The following KCND3 variants were observed in gnomAD, a reference collection of about 807,000 sequenced individuals.
KCND3 encodes the protein potassium voltage-gated channel subfamily D member 3.
KCND3 carries 9 observed loss-of-function variants against 51.1 expected under a neutral mutation model. The observed-to-expected ratio is 0.18, with a 90% confidence interval of 0.11 to 0.31. KCND3 has a LOEUF of 0.31. KCND3 is among the 10% of genes least tolerant of loss of function. KCND3 has a pLI of 1.00. For missense variants in KCND3, 526 were observed against 903.8 expected, an observed-to-expected ratio of 0.58 and a Z score of 5.36; for synonymous variants, 349 against 368.0, an observed-to-expected ratio of 0.95 and a Z score of 0.59.
intron 2 of KCND3, among the ~76,000 whole-genome samples, chr1:111,866,579 A>AACACACACACACACACACACAC (rs771342858): frequency 8.7e-5 from 11 of 126,740 alleles, no homozygotes; most frequent in African/African-American, 2.2e-4. Flanking sequence ...TGTTTCTTTA[A>AACACACACACACACACACACAC]ACACACACAC....
At chr1:111,872,414 T>C (rs974734464) in intron 2 of KCND3, among the ~76,000 whole-genome samples, 1 of 152,242 alleles carries the variant, frequency 6.6e-6, no homozygotes, top group East Asian at 1.9e-4. Flanking sequence ...TTAAATCCAA[T>C]GTTTTCTAAA....
chr1:111,775,882 A>G lies in KCND3; in HGVS notation c.*195T>C, dbSNP rs1310941410. 3 of 390,544 alleles carry G rather than the reference A, an allele frequency of 7.7e-6. No homozygotes were observed. Among genetic ancestry groups the G allele is most frequent in the Non-Finnish European group, 1.5e-5 (3 of 201,686 alleles). The allele number at this position is 390,544 out of a possible 1,614,324, so 24.2% of individuals were successfully genotyped here. On this transcript the variant is annotated 3_prime_UTR_variant, in exon 8 of 8. Coordinates refer to ENST00000302127, the MANE Select transcript of KCND3 (RefSeq NM_001378969.1). ...GATGCAGTATCACAGGGCTATGTCC[A>G]CGCTAGCAGCGTGAACCTCAGGTGC...
intron 2 of KCND3, among the ~76,000 whole-genome samples, chr1:111,951,121 G>C (rs543826803): frequency 1.7e-5 from 2 of 117,206 alleles, no homozygotes; most frequent in South Asian, 5.7e-4. Context: ...GGTGAGCCAA[G>C]ATCACGCCAT....
intron 2 of KCND3, among the ~76,000 whole-genome samples, chr1:111,915,030 A>G (rs1187226160): frequency 6.6e-6 from 1 of 152,208 alleles, no homozygotes; most frequent in Non-Finnish European, 1.5e-5. Flanking sequence ...TTTTTATAGT[A>G]TACATGAAGT....
chr1:111,798,171 C>T (rs568518020), intron 2 of KCND3, among the ~76,000 whole-genome samples: 1 of 152,266 alleles, frequency 6.6e-6, no homozygotes, highest in East Asian at 1.9e-4. Context: ...AGCTCCCACC[C>T]TTCCCTTCTT....
chr1:111,784,084 C>T (rs1664504334), intron 3 of KCND3, among the ~76,000 whole-genome samples: 2 of 146,558 alleles, frequency 1.4e-5, no homozygotes, highest in Non-Finnish European at 3.0e-5. Context: ...TTGACCGTGG[C>T]AGTGGATGCA....
chr1:111,854,374 G>C (rs1667959082), intron 2 of KCND3, among the ~76,000 whole-genome samples: 1 of 152,202 alleles, frequency 6.6e-6, no homozygotes, highest in South Asian at 2.1e-4. Context: ...GTATTTTCAA[G>C]GCACTCTGAG....
Position 111,977,588 on chromosome 1 carries a change from A to T in KCND3, c.1106+4033T>A, listed in dbSNP as rs149484126. Among the ~76,000 whole-genome samples, 636 of 152,268 alleles carry T rather than the reference A, an allele frequency of 4.2e-3. 4 individuals carry two copies. The highest frequency in any genetic ancestry group is 6.5e-3 in the Non-Finnish European group (444 of 68,024). On this transcript the variant is annotated intron_variant, in intron 2 of 7. Coordinates refer to ENST00000302127, the MANE Select transcript of KCND3 (RefSeq NM_001378969.1). ...GTGAGCCATCTCATCGGGATCGGAC[A>T]CTGCTCTGAACCCTTCCCTAGGATA...
chr1:111,984,620 C>T (rs61790308), intron 1 of KCND3, among the ~76,000 whole-genome samples: 6 of 152,146 alleles, frequency 3.9e-5, no homozygotes, highest in Admixed American at 6.5e-5. Flanking sequence ...TTTTACCCCA[C>T]GACCTACAAA....
chr1:111,941,834 T>C (rs1420894908), intron 2 of KCND3, among the ~76,000 whole-genome samples: 1 of 152,188 alleles, frequency 6.6e-6, no homozygotes, highest in African/African-American at 2.4e-5. Flanking sequence ...TTCTTTGACA[T>C]ACAATTAGCA....
At chr1:111,781,368 T>C (rs1210948329) in intron 3 of KCND3, among the ~76,000 whole-genome samples, 1 of 152,240 alleles carries the variant, frequency 6.6e-6, no homozygotes, top group African/African-American at 2.4e-5. Context: ...TACTTTCTCT[T>C]TCTCTTCCAC....
chr1:111,930,509 C>T (rs1178011451), intron 2 of KCND3, among the ~76,000 whole-genome samples: 1 of 152,180 alleles, frequency 6.6e-6, no homozygotes, highest in Admixed American at 6.5e-5. Flanking sequence ...AGAAGCCAGC[C>T]AGCCCCTGGA....
chr1:111,822,996 CG>C (rs1277604832), intron 2 of KCND3, among the ~76,000 whole-genome samples: 1 of 152,202 alleles, frequency 6.6e-6, no homozygotes, highest in Non-Finnish European at 1.5e-5. Context: ...CAAGGTCACA[CG>C]GTTTATAAGT....
At chr1:111,867,858 A>C (rs639208) in intron 2 of KCND3, among the ~76,000 whole-genome samples, 114,408 of 152,098 alleles carry the variant, frequency 0.75, 44,307 homozygotes, top group Middle Eastern at 0.87. Context: ...CATAGGTAAG[A>C]GCACAGGCTA....
intron 2 of KCND3, among the ~76,000 whole-genome samples, chr1:111,977,875 G>A (rs1674726711): frequency 1.3e-5 from 2 of 152,172 alleles, no homozygotes. Context: ...GGAGTTCTAT[G>A]TTATCCCTTC....
At chr1:111,968,317 A>G (rs1326679333) in intron 2 of KCND3, among the ~76,000 whole-genome samples, 1 of 152,194 alleles carries the variant, frequency 6.6e-6, no homozygotes, top group South Asian at 2.1e-4. Flanking sequence ...CAGGAACTCA[A>G]AGCAATTTTT....
chr1:111,978,086 C>T (rs148177307), intron 2 of KCND3, among the ~76,000 whole-genome samples: 207 of 152,306 alleles, frequency 1.4e-3, no homozygotes, highest in Non-Finnish European at 2.3e-3. Flanking sequence ...AGCAGCTGGG[C>T]TGTTATTGTT....
intron 2 of KCND3, among the ~76,000 whole-genome samples, chr1:111,798,276 C>T (rs1557943168): frequency 1.3e-5 from 2 of 152,168 alleles, no homozygotes; most frequent in South Asian, 4.1e-4. Flanking sequence ...AGGCCTTTCT[C>T]TCAACTGGGA....
rs1672493663 is a variant in KCND3, at chr1:111,941,067, G to A, written c.1106+40554C>T. Among the ~76,000 whole-genome samples the A allele has an allele frequency of 1.3e-5, 2 of 152,178 alleles. 1 individual carries two copies. Among genetic ancestry groups the A allele is most frequent in the East Asian group, 3.8e-4 (2 of 5,204 alleles). ...CAAAGGAAAGCAGCGGGGCAGGAGG[G>A]GAAGAAGAAAGGAAGACTGTCCTGC... On this transcript the variant is annotated intron_variant, in intron 2 of 7. Coordinates refer to ENST00000302127, the MANE Select transcript of KCND3 (RefSeq NM_001378969.1).
Sources: allele counts gnomAD v4.1 joint callset (sites outside exome capture counted in the v4.1 genomes callset), GRCh38; gene constraint gnomAD v4.1.1; transcripts MANE v1.5; gene names NCBI Gene and HGNC (gene_info 2026-07-23, HGNC 2026-07-21).